ZSWIM6: variants seen among roughly 807,000 people sequenced by gnomAD.
ZSWIM6 encodes zinc finger SWIM-type containing 6, also known as zinc finger SWIM domain-containing protein 6.
In ZSWIM6, 9 loss-of-function variants were observed where a neutral mutation model predicts 113.2. The ratio of observed to expected loss-of-function variants is 0.08; its 90% CI spans 0.05 to 0.14. The LOEUF (loss-of-function observed/expected upper bound fraction) is 0.14, where lower values mean the gene tolerates loss of function less well. Ranked by LOEUF, ZSWIM6 falls within the 10% of genes least tolerant of loss-of-function variation. The pLI is 1.00. For synonymous variants in ZSWIM6, 611 were observed against 606.5 expected (o/e 1.01, Z -0.11); for missense variants, 1,162 against 1,552.2 (o/e 0.75, Z 4.22).
chr5:61,375,572 G>T, intron 1 of ZSWIM6: 1 of 1,530,042 alleles, frequency 6.5e-7, no homozygotes, highest in Non-Finnish European at 8.9e-7. Context: ...GAATCAGACA[G>T]TAAGGATAGT....
At chr5:61,407,491 A>G (rs1340645808) in intron 1 of ZSWIM6, among the ~76,000 whole-genome samples, 1 of 152,250 alleles carries the variant, frequency 6.6e-6, no homozygotes, top group Non-Finnish European at 1.5e-5. Context: ...GGCAGAAACC[A>G]TGAAACAGAT....
At chr5:61,370,714 T>A (rs1360522078) in intron 1 of ZSWIM6, among the ~76,000 whole-genome samples, 13 of 152,210 alleles carry the variant, frequency 8.5e-5, no homozygotes, top group Admixed American at 2.6e-4. Context: ...CCAAAGGGCA[T>A]GTTGGATGTT....
chr5:61,474,062 A>G (rs1209531076), intron 2 of ZSWIM6, among the ~76,000 whole-genome samples: 2 of 152,218 alleles, frequency 1.3e-5, no homozygotes, highest in Admixed American at 6.5e-5. Flanking sequence ...GATGGCTCTT[A>G]TCACTTGAGA....
intron 2 of ZSWIM6, among the ~76,000 whole-genome samples, chr5:61,474,770 C>A (rs145370438): frequency 6.6e-6 from 1 of 152,248 alleles, no homozygotes; most frequent in African/African-American, 2.4e-5. Context: ...TTGAAAGGAG[C>A]TGCTGTAAAC....
intron 1 of ZSWIM6, among the ~76,000 whole-genome samples, chr5:61,348,407 T>C (rs1744712098): frequency 6.6e-6 from 1 of 152,208 alleles, no homozygotes; most frequent in Admixed American, 6.5e-5. Flanking sequence ...CAGGTATTTG[T>C]ACTTCATTGG....
intron 1 of ZSWIM6, chr5:61,391,351 T>A: frequency 1.2e-6 from 1 of 826,410 alleles, no homozygotes; most frequent in Non-Finnish European, 2.2e-6. Flanking sequence ...CTTCCTCTGG[T>A]GCAGAGGAAG....
chr5:61,334,892 G>T (rs1476315114), intron 1 of ZSWIM6, among the ~76,000 whole-genome samples: 1 of 149,512 alleles, frequency 6.7e-6, no homozygotes, highest in African/African-American at 2.5e-5. Context: ...CAATGTTGAG[G>T]GTTTTTTTTT....
chr5:61,387,891 A>C (rs2112088250), intron 1 of ZSWIM6, among the ~76,000 whole-genome samples: 1 of 145,654 alleles, frequency 6.9e-6, no homozygotes, highest in South Asian at 2.2e-4. Context: ...AGCCTGGGTG[A>C]CAGAGCGAGA....
chr5:61,455,158 A>G (rs2112161976), intron 1 of ZSWIM6, among the ~76,000 whole-genome samples: 1 of 152,326 alleles, frequency 6.6e-6, no homozygotes, highest in South Asian at 2.1e-4. Flanking sequence ...TTTATAAAAA[A>G]AATAGTTTTC....
At chr5:61,344,560 A>G (rs1744616428) in intron 1 of ZSWIM6, among the ~76,000 whole-genome samples, 2 of 152,074 alleles carry the variant, frequency 1.3e-5, no homozygotes, top group Non-Finnish European at 2.9e-5. Flanking sequence ...GGGAGGAGAA[A>G]GGAGTGTGTG....
At chr5:61,446,086 G>A (rs1360975568) in intron 1 of ZSWIM6, among the ~76,000 whole-genome samples, 1 of 152,200 alleles carries the variant, frequency 6.6e-6, no homozygotes, top group African/African-American at 2.4e-5. Flanking sequence ...AGGCTGAGTG[G>A]CATGATCTTG....
In ZSWIM6 at chr5:61,525,942, C is replaced by T. The variant is rs1749265551; in HGVS notation, c.1656C>T (p.Ser552=). 2 of 1,552,036 alleles carry T rather than the reference C, an allele frequency of 1.3e-6. No individual in the cohort carries two copies. Among genetic ancestry groups the T allele is most frequent in the Non-Finnish European group, 1.7e-6 (2 of 1,147,066 alleles). Residue 552 remains serine, a synonymous_variant, in exon 6 of 14, where the codon TCC becomes TCT. Coordinates refer to ENST00000252744, the MANE Select transcript of ZSWIM6 (RefSeq NM_020928.2). ...GTTACCATGACGACACTGAAAACTC[C>T]CTCTTCGACTCCCGCGGGTGGCCCC... The part of the protein sequence containing the change: ...NYCYHDDTEN[S]LFDSRGWPLW...
intron 1 of ZSWIM6, among the ~76,000 whole-genome samples, chr5:61,456,006 G>A (rs1747198732): frequency 6.6e-6 from 1 of 152,090 alleles, no homozygotes; most frequent in East Asian, 1.9e-4. Context: ...TGCCTATTTA[G>A]TACTACTGTC....
At chr5:61,424,982 C>T (rs927542359) in intron 1 of ZSWIM6, among the ~76,000 whole-genome samples, 4 of 151,962 alleles carry the variant, frequency 2.6e-5, no homozygotes, top group African/African-American at 9.7e-5. Context: ...GCTCCCAAAG[C>T]GCTGGGATTA....
In ZSWIM6 at chr5:61,537,187, G is replaced by T. The variant is rs566047924; in HGVS notation, c.2381+1568G>T. 2.6e-5 allele frequency among the ~76,000 whole-genome samples: 4 copies of T among 152,328 alleles called. No individual in the cohort carries two copies. In the East Asian group the frequency reaches 7.7e-4, roughly 29 times the overall value. On this transcript the variant is annotated intron_variant, in intron 10 of 13. Coordinates refer to ENST00000252744, the MANE Select transcript of ZSWIM6 (RefSeq NM_020928.2). ...GTAATGGTATGTGCCAGGCAGAAAGGCTTGCTTTTCTAACACTCACAAACT... is the reference window on the plus strand; with the variant it reads ...GTAATGGTATGTGCCAGGCAGAAAGTCTTGCTTTTCTAACACTCACAAACT...
intron 1 of ZSWIM6, among the ~76,000 whole-genome samples, chr5:61,392,995 C>CAT (rs957511996): frequency 1.6e-4 from 25 of 151,602 alleles, no homozygotes; most frequent in Admixed American, 3.9e-4. Flanking sequence ...GTTGTGTTCT[C>CAT]ATATATATAT....
intron 1 of ZSWIM6, among the ~76,000 whole-genome samples, chr5:61,337,533 A>C (rs1437136499): frequency 6.6e-6 from 1 of 152,236 alleles, no homozygotes; most frequent in Non-Finnish European, 1.5e-5. Flanking sequence ...GGTTTGCAAG[A>C]GTAAAAAGCT....
intron 2 of ZSWIM6, among the ~76,000 whole-genome samples, chr5:61,475,192 C>G (rs1747679144): frequency 1.3e-5 from 2 of 152,114 alleles, no homozygotes; most frequent in South Asian, 4.1e-4. Flanking sequence ...AACTTTTATG[C>G]ATTCTCTCTT....
chr5:61,402,043 GA>G (rs927866671), intron 1 of ZSWIM6, among the ~76,000 whole-genome samples: 19 of 149,978 alleles, frequency 1.3e-4, no homozygotes, highest in Non-Finnish European at 2.2e-4. Context: ...AGGAGAGACT[GA>G]AAAAAAAATA....
Sources: gnomAD v4.1 joint callset for allele counts (sites outside exome capture counted in the v4.1 genomes callset) on GRCh38, gnomAD v4.1.1 for gene constraint, MANE v1.5 for transcripts, NCBI Gene and HGNC (gene_info 2026-07-23, HGNC 2026-07-21) for gene names.